CC2D2B: variants seen among roughly 807,000 people sequenced by gnomAD.
CC2D2B encodes the protein coiled-coil and C2 domain containing 2B.
CC2D2B carries 128 observed loss-of-function variants against 161.2 expected under a neutral mutation model. The ratio of observed to expected loss-of-function variants is 0.79; its 90% CI spans 0.69 to 0.92. The LOEUF is 0.92. Among genes scored for constraint, CC2D2B ranks in the 40% least tolerant of loss-of-function variants. The pLI, the probability that CC2D2B is intolerant of heterozygous loss-of-function variation, is 0.00. For synonymous variants in CC2D2B, 391 were observed against 449.8 expected (o/e 0.87, Z 1.65); for missense variants, 1,173 against 1,375.1 (o/e 0.85, Z 2.32).
intron 6 of CC2D2B, among the ~76,000 whole-genome samples, chr10:95,935,994 T>A (rs1480956330): frequency 6.6e-6 from 1 of 152,224 alleles, no homozygotes; most frequent in African/African-American, 2.4e-5. Context: ...AACTTTCCTA[T>A]GCTCTTAATC....
In CC2D2B at chr10:96,025,189, AAAAAT is replaced by A. The variant is rs1159281470; in HGVS notation, c.3947+280_3947+284del. Among the ~76,000 whole-genome samples, 374 of 53,756 alleles carry A rather than the reference AAAAAT, an allele frequency of 7.0e-3. 14 individuals carry two copies. The highest frequency in any genetic ancestry group is 0.021 in the African/African-American group (289 of 13,816). The allele number at this position is 53,756 out of a possible 152,430, so 35.3% of individuals were successfully genotyped here. On this transcript the variant is annotated intron_variant, in intron 33 of 34. Transcript: ENST00000646931. ...TATATATATATATATATATATAAAAAAAAATATATATATATATATATATATATATA... is the reference window on the plus strand; with the variant it reads ...TATATATATATATATATATATAAAAAATATATATATATATATATATATATA...
At chr10:96,011,520 A>C (rs1416401826) in intron 26 of CC2D2B, among the ~76,000 whole-genome samples, 5 of 152,174 alleles carry the variant, frequency 3.3e-5, no homozygotes, top group African/African-American at 1.2e-4. Context: ...AGGGTCTTGC[A>C]CATTAGTAAG....
intron 15 of CC2D2B, among the ~76,000 whole-genome samples, chr10:95,969,908 C>T (rs1202258636): frequency 6.6e-6 from 1 of 152,068 alleles, no homozygotes; most frequent in Non-Finnish European, 1.5e-5. Flanking sequence ...GCATATGAGC[C>T]TAACAAACTA....
At position 95,963,495 on chromosome 10, in the gene CC2D2B, C is replaced by T. The variant is rs114996840; in HGVS notation, c.1250+1526C>T. On this transcript the variant is annotated intron_variant, in intron 12 of 34. Transcript: ENST00000646931. ...AATAAGGTAATTGAGTGGGCAGCTA[C>T]GTGCATGGTCTGTGACACAGTAAAT... Among the ~76,000 whole-genome samples, 775 of 152,212 alleles carry T rather than the reference C, an allele frequency of 5.1e-3. 7 individuals are homozygous for T. Among genetic ancestry groups the T allele is most frequent in the African/African-American group, 0.018 (727 of 41,540 alleles).
intron 1 of CC2D2B, among the ~76,000 whole-genome samples, chr10:95,910,275 C>T (rs1271149420): frequency 2.0e-5 from 3 of 152,238 alleles, no homozygotes; most frequent in Non-Finnish European, 2.9e-5. Flanking sequence ...TTAGGCCATT[C>T]TTGCGTTGCA....
chr10:95,989,863 A>G (rs1307608029), intron 20 of CC2D2B, among the ~76,000 whole-genome samples: 1 of 152,184 alleles, frequency 6.6e-6, no homozygotes, highest in Non-Finnish European at 1.5e-5. Flanking sequence ...GATACTGGAA[A>G]AGTTTGCTTC....
rs944882961 is a variant in CC2D2B at position 95,950,026 on chromosome 10, T to C, written c.932T>C (p.Leu311Ser). Reference sequence around the variant, plus strand: ...CATCTCTTCAATCAAGAGCAAGTATTATGCGCAAGGCTTCTCCAACTTTAT... The same window carrying C: ...CATCTCTTCAATCAAGAGCAAGTATCATGCGCAAGGCTTCTCCAACTTTAT... The part of the protein sequence containing the change: ...HHHLFNQEQV[L>S]CARLLQLYEC... Residue 311 changes from leucine to serine, a missense_variant, in exon 10 of 35, where the codon TTA becomes TCA. This residue lies in a region of CC2D2B where 298 missense variants were observed against 261.2 expected (regional missense o/e 1.14). Transcript: ENST00000646931. 2.5e-6 allele frequency: 1 copy of C among 398,678 alleles called. No individual in the cohort carries two copies. The highest frequency in any genetic ancestry group is 2.1e-5 in the African/African-American group (1 of 48,622). 24.7% of individuals were successfully genotyped at this position (398,678 alleles called of 1,614,324 possible). A position where few individuals can be genotyped will look rare whatever the true frequency, so the allele number is the denominator to read the frequency against.
At chr10:95,993,690 AAAAG>A (rs1268162676) in intron 22 of CC2D2B, among the ~76,000 whole-genome samples, 1 of 150,804 alleles carries the variant, frequency 6.6e-6, no homozygotes, top group Admixed American at 6.7e-5. Flanking sequence ...TAAAAAAAAA[AAAAG>A]AATATTGTAA....
intron 6 of CC2D2B, 48 bp downstream of exon 6, chr10:95,927,380 T>C (rs761745294): frequency 8.0e-6 from 8 of 1,003,292 alleles, no homozygotes; most frequent in South Asian, 1.5e-5. Context: ...CAGGAAAAAA[T>C]GATTCTTTAT....
chr10:95,947,869 C>A (rs538955821), intron 9 of CC2D2B, among the ~76,000 whole-genome samples: 1 of 152,224 alleles, frequency 6.6e-6, no homozygotes, highest in East Asian at 1.9e-4. Flanking sequence ...ATCTCATGTA[C>A]AAAAACAGGT....
chr10:96,016,315 G>T lies in CC2D2B; in HGVS notation c.3630+1G>T. On this transcript the variant is annotated splice_donor_variant, in intron 30 of 34. Transcript: ENST00000646931. LOFTEE classifies it high-confidence loss of function. ...CCTCTTGGGAACGTCAGTGTTAGAAGTAAGTGCTGGAGTTCATATTGAAAT... is the reference window on the plus strand; with the variant it reads ...CCTCTTGGGAACGTCAGTGTTAGAATTAAGTGCTGGAGTTCATATTGAAAT... 6.5e-7 allele frequency: 1 copy of T among 1,547,276 alleles called. No homozygotes were observed. Among genetic ancestry groups the T allele is most frequent in the Middle Eastern group, 1.7e-4 (1 of 5,930 alleles).
intron 6 of CC2D2B, among the ~76,000 whole-genome samples, chr10:95,929,127 G>A (rs1292842631): frequency 1.3e-5 from 2 of 152,136 alleles, no homozygotes; most frequent in Admixed American, 6.5e-5. Context: ...TTGTGGCTTT[G>A]ATTTGCATTT....
Position 95,999,945 on chromosome 10 carries a change from T to A in CC2D2B, c.2849+3693T>A, listed in dbSNP as rs1590821390. The A allele has an allele frequency of 8.8e-6, 5 of 565,772 alleles. No homozygotes were observed. In the East Asian group the frequency reaches 2.2e-4, roughly 25 times the overall value. The allele number at this position is 565,772 out of a possible 1,614,324, so 35.0% of individuals were successfully genotyped here. A position where few individuals can be genotyped will look rare whatever the true frequency, so the allele number is the denominator to read the frequency against. The stretch of plus-strand genomic sequence containing the variant: ...TTCCTTCACGTGTTTCGGGAAGCTA[T>A]CTCAGCTCTTAGAGCACTTATGTGC... On this transcript the variant is annotated intron_variant, in intron 24 of 34. Transcript: ENST00000646931.
chr10:95,926,648 T>G (rs1343682563), intron 5 of CC2D2B, among the ~76,000 whole-genome samples: 2 of 152,104 alleles, frequency 1.3e-5, no homozygotes, highest in Non-Finnish European at 2.9e-5. Flanking sequence ...CTTAAAACAT[T>G]TCATTTTAAT....
At chr10:96,015,250 T>C (rs1272817261) in intron 29 of CC2D2B, among the ~76,000 whole-genome samples, 1 of 149,010 alleles carries the variant, frequency 6.7e-6, no homozygotes, top group Non-Finnish European at 1.5e-5. Context: ...TTTTTTTTTT[T>C]TGTATTTTAG....
At chr10:95,938,519 A>T (rs11188529) in intron 7 of CC2D2B, 50 bp from the exon 8 acceptor site, 35,086 of 647,634 alleles carry the variant, frequency 0.054, 2,509 homozygotes, top group African/African-American at 0.21. Context: ...GTCAATATCC[A>T]TTTAATATTT....
intron 11 of CC2D2B, among the ~76,000 whole-genome samples, chr10:95,957,213 G>A (rs748403119): frequency 5.8e-4 from 89 of 152,256 alleles, no homozygotes; most frequent in Middle Eastern, 6.8e-3. Context: ...TTGAGGACCT[G>A]TGCTCTGATC....
intron 2 of CC2D2B, among the ~76,000 whole-genome samples, chr10:95,916,459 T>A (rs1328034271): frequency 6.6e-6 from 1 of 152,128 alleles, no homozygotes; most frequent in African/African-American, 2.4e-5. Flanking sequence ...TGCTCTTGCT[T>A]TTCTAGTTCT....
In CC2D2B at chr10:95,983,665, T is replaced by G; in HGVS notation, c.2142T>G (p.Asp714Glu). The change falls in exon 19 of 35, where the codon GAT (aspartate) becomes GAG (glutamate). Residue 714 changes from aspartate to glutamate, a missense_variant. By Grantham distance (45) the Asp-to-Glu change is conservative (BLOSUM62 2). Transcript: ENST00000646931. ...ATTTTCGTCTTGAACAGTTGCAAGA[T>G]GAATTTAACTTCGTTTCTGAAGAGG... ...PKYFRLEQLQDEFNFVSEEEM... is the reference protein window; with the variant it reads ...PKYFRLEQLQEEFNFVSEEEM... The G allele has an allele frequency of 8.1e-7, 1 of 1,231,690 alleles. No homozygotes were observed. Among genetic ancestry groups the G allele is most frequent in the Non-Finnish European group, 1.0e-6 (1 of 987,612 alleles). 76.3% of individuals were successfully genotyped at this position (1,231,690 alleles called of 1,614,324 possible). A position where few individuals can be genotyped will look rare whatever the true frequency, so the allele number is the denominator to read the frequency against.
Sources: gnomAD v4.1 joint callset for allele counts (sites outside exome capture counted in the v4.1 genomes callset) on GRCh38, gnomAD v4.1.1 for gene constraint, gnomAD v4.1.1 regional missense constraint, MANE v1.5 for transcripts, NCBI Gene and HGNC (gene_info 2026-07-23, HGNC 2026-07-21) for gene names.